The following WWOX variants were observed in gnomAD, a reference collection of about 807,000 sequenced individuals.
WWOX encodes the protein WW domain-containing oxidoreductase.
WWOX carries 69 observed loss-of-function variants against 46.2 expected under a neutral mutation model. That is an observed-to-expected ratio of 1.49 (90% CI 1.23 to 1.82). The LOEUF (loss-of-function observed/expected upper bound fraction) is 1.82, where lower values mean the gene tolerates loss of function less well. Among genes scored for constraint, WWOX ranks in the 40% most tolerant of loss-of-function variants. The pLI is 0.00. For synonymous variants in WWOX, 359 were observed against 202.6 expected, an observed-to-expected ratio of 1.77 and a Z score of -6.56; for missense variants, 919 against 542.6, an observed-to-expected ratio of 1.69 and a Z score of -6.89.
chr16:78,883,555 C>G (rs149736268), intron 8 of WWOX, among the ~76,000 whole-genome samples: 33 of 152,122 alleles, frequency 2.2e-4, no homozygotes, highest in Middle Eastern at 3.4e-3. Context: ...AAAACCCCAT[C>G]TCTACTAAAA....
chr16:78,934,126 G>C (rs1329190214), intron 8 of WWOX, among the ~76,000 whole-genome samples: 1 of 151,824 alleles, frequency 6.6e-6, no homozygotes, highest in Non-Finnish European at 1.5e-5. Flanking sequence ...ACAAGGTCAG[G>C]AGATGGAGAC....
chr16:78,570,772 G>T (rs146958384), intron 8 of WWOX, among the ~76,000 whole-genome samples: 1,682 of 152,258 alleles, frequency 0.011, 29 homozygotes, highest in Middle Eastern at 0.048. Context: ...ATATATTCCA[G>T]TGGCGATACA....
intron 8 of WWOX, among the ~76,000 whole-genome samples, chr16:78,533,505 G>A (rs956230862): frequency 2.0e-5 from 3 of 152,118 alleles, no homozygotes; most frequent in Admixed American, 1.3e-4. Flanking sequence ...TGGGCCGCAT[G>A]TGGCCCACCA....
At chr16:79,194,337 C>G (rs552310395) in intron 8 of WWOX, among the ~76,000 whole-genome samples, 5 of 152,284 alleles carry the variant, frequency 3.3e-5, no homozygotes, top group African/African-American at 1.2e-4. Flanking sequence ...GAAATATTCT[C>G]TAAGCACCTA....
chr16:78,852,293 T>C (rs1331961012), intron 8 of WWOX, among the ~76,000 whole-genome samples: 1 of 152,164 alleles, frequency 6.6e-6, no homozygotes, highest in East Asian at 1.9e-4. Flanking sequence ...CTGTGTAACC[T>C]ACAGGGGGAA....
chr16:78,365,474 T>G (rs1174151847), intron 5 of WWOX, among the ~76,000 whole-genome samples: 1 of 152,216 alleles, frequency 6.6e-6, no homozygotes, highest in Non-Finnish European at 1.5e-5. Flanking sequence ...GGCTTGCAAC[T>G]GAATCTGGGC....
Position 79,133,997 on chromosome 16 carries a change from C to T in WWOX, c.1057-77611C>T, listed in dbSNP as rs550872817. 5.3e-5 allele frequency among the ~76,000 whole-genome samples: 8 copies of T among 152,250 alleles called. No individual in the cohort carries two copies. In the South Asian group the frequency reaches 1.7e-3, roughly 32 times the overall value. ...GGAGCAAATATGTGAGCCAGGATCT[C>T]ATGCTGGACTATCTAAGCAAGCATG... On this transcript the variant is annotated intron_variant, in intron 8 of 8. Coordinates refer to ENST00000566780, the MANE Select transcript of WWOX (RefSeq NM_016373.4).
At chr16:78,198,333 C>T (rs933969353) in intron 5 of WWOX, among the ~76,000 whole-genome samples, 8 of 152,192 alleles carry the variant, frequency 5.3e-5, no homozygotes, top group South Asian at 2.1e-4. Flanking sequence ...CACCCTCCCC[C>T]ATCCCCCGCA....
chr16:78,821,690 C>G (rs975452296), intron 8 of WWOX, among the ~76,000 whole-genome samples: 3 of 152,138 alleles, frequency 2.0e-5, no homozygotes, highest in Non-Finnish European at 4.4e-5. Context: ...GACAGAGGCT[C>G]AGGGAACTCA....
chr16:79,088,988 T>C (rs2048903357), intron 8 of WWOX, among the ~76,000 whole-genome samples: 1 of 152,204 alleles, frequency 6.6e-6, no homozygotes, highest in Admixed American at 6.5e-5. Flanking sequence ...ATGAACTCAA[T>C]GTACCTTGAA....
At chr16:78,914,576 T>G (rs1321978277) in intron 8 of WWOX, among the ~76,000 whole-genome samples, 2 of 151,894 alleles carry the variant, frequency 1.3e-5, no homozygotes, top group Admixed American at 6.6e-5. Flanking sequence ...TTTTAGGCAC[T>G]GTGAGTATAA....
intron 8 of WWOX, among the ~76,000 whole-genome samples, chr16:78,671,701 G>T (rs1457669444): frequency 2.0e-5 from 3 of 152,172 alleles, no homozygotes; most frequent in Non-Finnish European, 4.4e-5. Flanking sequence ...GCCTGATTCA[G>T]AGTAAGTGAC....
chr16:79,061,623 T>G (rs1178405935), intron 8 of WWOX, among the ~76,000 whole-genome samples: 1 of 152,202 alleles, frequency 6.6e-6, no homozygotes, highest in African/African-American at 2.4e-5. Context: ...GTGTGAGCAC[T>G]GATCCATGAC....
rs141696539 is a variant in WWOX, at chr16:78,848,689, C to G, written c.1057-362919C>G. ...CTGACCCTGAAGCAGAAAGCAAAGCCTAGATCAGTCTGCTCTCCTCCTACC... is the reference window on the plus strand; with the variant it reads ...CTGACCCTGAAGCAGAAAGCAAAGCGTAGATCAGTCTGCTCTCCTCCTACC... On this transcript the variant is annotated intron_variant, in intron 8 of 8. Transcript: ENST00000566780. Among the ~76,000 whole-genome samples, 16 of 152,272 alleles carry G rather than the reference C, an allele frequency of 1.1e-4. 1 individual carries two copies. The East Asian group carries it at 3.1e-3, about 29-fold the overall frequency.
chr16:78,810,982 G>A (rs1267637203), intron 8 of WWOX, among the ~76,000 whole-genome samples: 4 of 152,156 alleles, frequency 2.6e-5, no homozygotes, highest in Non-Finnish European at 4.4e-5. Flanking sequence ...TTGGTGAACC[G>A]AGGACGCATC....
At chr16:78,151,426 C>A (rs2034403279) in intron 4 of WWOX, among the ~76,000 whole-genome samples, 1 of 152,064 alleles carries the variant, frequency 6.6e-6, no homozygotes, top group Admixed American at 6.5e-5. Context: ...CATGAAATGA[C>A]AATGACACTT....
intron 5 of WWOX, among the ~76,000 whole-genome samples, chr16:78,234,497 A>C (rs1421417398): frequency 2.6e-5 from 4 of 152,196 alleles, no homozygotes; most frequent in Admixed American, 2.6e-4. Context: ...CAAGTTATTC[A>C]ACAGCCAGAT....
At chr16:78,305,379 G>A (rs1414825358) in intron 5 of WWOX, among the ~76,000 whole-genome samples, 3 of 152,146 alleles carry the variant, frequency 2.0e-5, no homozygotes, top group Admixed American at 6.5e-5. Flanking sequence ...GGAGGAAAAA[G>A]CCATGTAACC....
At chr16:78,940,492 G>A (rs746459468) in intron 8 of WWOX, among the ~76,000 whole-genome samples, 8 of 152,266 alleles carry the variant, frequency 5.3e-5, no homozygotes, top group Non-Finnish European at 8.8e-5. Context: ...GGTGTTAGGA[G>A]TTCTTTCGAA....
Sources: gnomAD v4.1 joint callset for allele counts (sites outside exome capture counted in the v4.1 genomes callset) on GRCh38, gnomAD v4.1.1 for gene constraint, MANE v1.5 for transcripts, NCBI Gene and HGNC (gene_info 2026-07-23, HGNC 2026-07-21) for gene names.